The following CEP95 variants were observed in gnomAD, a reference collection of about 807,000 sequenced individuals.
CEP95 encodes the protein centrosomal protein of 95 kDa.
A neutral mutation model predicts 111.2 loss-of-function variants in CEP95; 98 were observed. That is an observed-to-expected ratio of 0.88 (90% CI 0.75 to 1.04). The LOEUF is 1.04. Among genes scored for constraint, CEP95 ranks in the 50% least tolerant of loss-of-function variants. The pLI is 0.00. For synonymous variants in CEP95, 323 were observed against 327.1 expected (o/e 0.99, Z 0.14); for missense variants, 1,027 against 977.2 (o/e 1.05, Z -0.68).
chr17:64,533,976 G>T (rs1024899674), intron 16 of CEP95: 3 of 152,424 alleles, frequency 2.0e-5, no homozygotes, highest in Middle Eastern at 3.4e-3. Context: ...GAGGATGGAG[G>T]TCAGAAACAA....
chr17:64,529,533 A>G (rs1968113070), intron 12 of CEP95, 106 bp downstream of exon 12: 1 of 1,190,636 alleles, frequency 8.4e-7, no homozygotes, highest in African/African-American at 1.5e-5. Flanking sequence ...AATACATTTA[A>G]TATTCTTGAG....
intron 8 of CEP95, among the ~76,000 whole-genome samples, chr17:64,523,349 T>C (rs912181979): frequency 7.2e-5 from 11 of 152,136 alleles, no homozygotes; most frequent in African/African-American, 2.7e-4. Context: ...AGTCAGGATT[T>C]GAACTTGGAC....
Position 64,533,136 on chromosome 17 carries a change from G to A in CEP95, c.1862G>A (p.Arg621Lys). 2 of 1,603,296 alleles carry A rather than the reference G, an allele frequency of 1.2e-6. No individual in the cohort carries two copies. Among genetic ancestry groups the A allele is most frequent in the Non-Finnish European group, 1.7e-6 (2 of 1,177,262 alleles). ...LQDEIEEALR[R>K]HDLLTTLVKK... Reference sequence around the variant, plus strand: ...TTCAAGATAGAAGAAGCCCTAAGAAGGCATGACCTCCTTACTACCCTTGTC... The same window carrying A: ...TTCAAGATAGAAGAAGCCCTAAGAAAGCATGACCTCCTTACTACCCTTGTC... Residue 621 changes from arginine to lysine, a missense_variant, in exon 16 of 20, where the codon AGG becomes AAG. By Grantham distance (26) the Arg-to-Lys change is conservative. Transcript: ENST00000556440.
intron 6 of CEP95, among the ~76,000 whole-genome samples, chr17:64,519,967 C>T (rs1282941591): frequency 6.6e-6 from 1 of 152,194 alleles, no homozygotes; most frequent in Non-Finnish European, 1.5e-5. Context: ...TCATAAATTA[C>T]TAAACCAGTA....
At chr17:64,507,930 A>G (rs183300621) in intron 1 of CEP95, 14,739 of 985,376 alleles carry the variant, frequency 0.015, 121 homozygotes, top group Non-Finnish European at 0.016. Flanking sequence ...AGCAATATCT[A>G]GGGGAGAGGA....
At chr17:64,530,498 T>C (rs1309342034) in intron 12 of CEP95, among the ~76,000 whole-genome samples, 1 of 130,440 alleles carries the variant, frequency 7.7e-6, no homozygotes, top group Non-Finnish European at 1.6e-5. Flanking sequence ...ATTTTTTTCC[T>C]CTTTTGTATT....
intron 8 of CEP95, among the ~76,000 whole-genome samples, chr17:64,524,417 C>T (rs1207961495): frequency 4.6e-5 from 7 of 152,112 alleles, no homozygotes; most frequent in Non-Finnish European, 1.0e-4. Flanking sequence ...AGTGATTCTC[C>T]TGCCTCAGCC....
Position 64,536,616 on chromosome 17 carries a change from G to C in CEP95, c.2085G>C (p.Leu695=). The change falls in exon 18 of 20, where the codon CTG becomes CTC. Residue 695 remains leucine, a synonymous_variant. Transcript: ENST00000556440. The part of the protein sequence containing the change: ...RTREEMIFKK[L]FEEGLNIQKQ... ...ATAACTGACAGATATTTAAGAAACT[G>C]TTTGAAGAAGGTTTAAACATTCAAA... is the stretch of plus-strand genomic sequence containing the variant. The C allele has an allele frequency of 6.3e-7, 1 of 1,591,308 alleles. No homozygotes were observed. Among genetic ancestry groups the C allele is most frequent in the Non-Finnish European group, 8.5e-7 (1 of 1,172,850 alleles).
At chr17:64,511,902 CTGTT>C (rs782647750) in intron 3 of CEP95, among the ~76,000 whole-genome samples, 6 of 152,216 alleles carry the variant, frequency 3.9e-5, no homozygotes, top group Admixed American at 3.3e-4. Flanking sequence ...GCCGGTCCCT[CTGTT>C]TGGGGTCCCT....
rs1967462947 is a variant in CEP95, at chr17:64,522,818, A to G, written c.832A>G (p.Ile278Val). 3.7e-6 allele frequency: 6 copies of G among 1,613,778 alleles called. No individual in the cohort carries two copies. Among genetic ancestry groups the G allele is most frequent in the Non-Finnish European group, 4.2e-6 (5 of 1,179,838 alleles). The change falls in exon 8 of 20, where the codon ATA becomes GTA. Residue 278 changes from isoleucine to valine, a missense_variant. Physicochemically the swap from Ile to Val is conservative, Grantham distance 29. Transcript: ENST00000556440. ...HPSEPRAPCPIGKEYLHSSHC... is the reference protein window; with the variant it reads ...HPSEPRAPCPVGKEYLHSSHC... ...TTCAGAGCCTCGAGCACCCTGCCCC[A>G]TAGGAAAAGAATACTTGCATTCAAG...
At chr17:64,522,305 T>C (rs1394250595) in intron 7 of CEP95, among the ~76,000 whole-genome samples, 2 of 152,136 alleles carry the variant, frequency 1.3e-5, no homozygotes, top group African/African-American at 4.8e-5. Flanking sequence ...CTTCCAGTTT[T>C]TAAAGTAACT....
intron 17 of CEP95, chr17:64,535,770 C>G (rs1418756774): frequency 2.6e-5 from 4 of 152,106 alleles, no homozygotes; most frequent in Admixed American, 2.0e-4. Context: ...CACAAATGTT[C>G]ATAGCATTAC....
chr17:64,523,319 A>G (rs531485987), intron 8 of CEP95, among the ~76,000 whole-genome samples: 5 of 152,290 alleles, frequency 3.3e-5, no homozygotes, highest in Admixed American at 3.3e-4. Context: ...AGAGAGGGCA[A>G]GGTTACACAG....
intron 2 of CEP95, 72 bp from the exon 3 acceptor site, chr17:64,510,101 C>T: frequency 1.3e-6 from 1 of 787,692 alleles, no homozygotes; most frequent in Non-Finnish European, 2.2e-6. Flanking sequence ...ATTCAGTAGC[C>T]TAGTCAGAGA....
chr17:64,531,866 TTC>T (rs782651636), intron 13 of CEP95, 22 bp from the exon 14 acceptor site: 10 of 1,488,504 alleles, frequency 6.7e-6, no homozygotes, highest in East Asian at 2.4e-5. Flanking sequence ...TTTATTTTTA[TTC>T]TGTTTTATAT....
intron 8 of CEP95, among the ~76,000 whole-genome samples, chr17:64,524,148 T>G (rs1967601099): frequency 6.6e-6 from 1 of 152,052 alleles, no homozygotes; most frequent in Non-Finnish European, 1.5e-5. Context: ...ATAGTGGGGG[T>G]TTTAGAGATA....
In CEP95 at chr17:64,537,122, A is replaced by AAGAT. The variant is rs1968712743; in HGVS notation, c.2289+14_2289+17dup. On this transcript the variant is annotated intron_variant, in intron 19 of 19. Transcript: ENST00000556440. Reference sequence around the variant, plus strand: ...GAAATCTCAGGCCCAGGTAATAATTAAGATAGAAGCCAAGTCATGCACTGC... The same window carrying AAGAT: ...GAAATCTCAGGCCCAGGTAATAATTAAGATAGATAGAAGCCAAGTCATGCACTGC... 1.2e-6 allele frequency: 2 copies of AAGAT among 1,610,022 alleles called. No individual in the cohort carries two copies. The highest frequency in any genetic ancestry group is 1.7e-6 in the Non-Finnish European group (2 of 1,178,096).
At position 64,525,833 on chromosome 17, in the gene CEP95, C is replaced by G. The variant is rs781934920; in HGVS notation, c.973C>G (p.Pro325Ala). The G allele has an allele frequency of 5.7e-5, 92 of 1,604,122 alleles. No individual in the cohort carries two copies. Among genetic ancestry groups the G allele is most frequent in the Non-Finnish European group, 7.6e-5 (89 of 1,177,168 alleles). Residue 325 changes from proline to alanine, a missense_variant, in exon 9 of 20, where the codon CCA (proline) becomes GCA (alanine). Transcript: ENST00000556440. Reference protein sequence around the residue: ...LPKGSKWEVYPAQVQGPRTRK... With the variant: ...LPKGSKWEVYAAQVQGPRTRK... ...TAAAGGCAGCAAATGGGAAGTATAT[C>G]CAGCTCAGGTCCAAGGGCCTAGGAC...
At chr17:64,510,873 TC>T (rs1386797149) in intron 3 of CEP95, among the ~76,000 whole-genome samples, 12 of 151,616 alleles carry the variant, frequency 7.9e-5, no homozygotes, top group African/African-American at 2.9e-4. Context: ...GCCCCGATAG[TC>T]ACGTAGGTTC....
Sources: allele counts gnomAD v4.1 joint callset (sites outside exome capture counted in the v4.1 genomes callset), GRCh38; gene constraint gnomAD v4.1.1; transcripts MANE v1.5; gene names NCBI Gene and HGNC (gene_info 2026-07-23, HGNC 2026-07-21).